The following CD96 variants were observed in gnomAD, a reference collection of about 807,000 sequenced individuals.
CD96 encodes the protein T-cell surface protein tactile.
Under a neutral mutation model 71.3 loss-of-function variants are expected in CD96, and 70 were observed. The observed-to-expected ratio is 0.98, with a 90% CI of 0.81 to 1.20. The LOEUF (loss-of-function observed/expected upper bound fraction) is 1.20. Among genes scored for constraint, CD96 ranks in the 50% most tolerant of loss-of-function variants. The pLI is 0.00. For synonymous variants in CD96, 248 were observed against 233.0 expected, an observed-to-expected ratio of 1.06 and a Z score of -0.59; for missense variants, 742 against 677.5, an observed-to-expected ratio of 1.10 and a Z score of -1.06.
rs562072137 is a variant in CD96, at chr3:111,570,075, G to A, written c.543+2428G>A. On this transcript the variant is annotated intron_variant, in intron 3 of 13. Transcript: ENST00000352690. ...GGGTGGGGGTGGGGGCTCAGGGAAG[G>A]GTCTGCACCCTGAGACTTCTGCTTA... Among the ~76,000 whole-genome samples, 8 of 152,190 alleles carry A rather than the reference G, an allele frequency of 5.3e-5. No homozygotes were observed. The East Asian group carries it at 1.4e-3, about 26-fold the overall frequency.
rs1421901357 is a variant in CD96, at chr3:111,637,228, T to C, written c.1354T>C (p.Ser452Pro). ...ACGGATACCTAGTGAAACATACAGT[T>C]CATCCCCGTCAGGTGCAGGCTCAAC... ...VSRIPSETYSSSPSGAGSTLH... is the reference protein window; with the variant it reads ...VSRIPSETYSPSPSGAGSTLH... Residue 452 changes from serine to proline, a missense_variant, in exon 11 of 14, where the codon TCA becomes CCA. By Grantham distance (74) the Ser-to-Pro change is moderately conservative. Coordinates refer to ENST00000352690, the MANE Select transcript of CD96 (RefSeq NM_005816.5). 6.3e-7 allele frequency: 1 copy of C among 1,593,216 alleles called. No homozygotes were observed.
chr3:111,663,710 A>G (rs1252725047), intron 14 of CD96, among the ~76,000 whole-genome samples: 1 of 151,882 alleles, frequency 6.6e-6, no homozygotes. Flanking sequence ...AAGTCAAAAA[A>G]CAGATGTTGG....
At chr3:111,552,604 T>C (rs1295722011) in intron 2 of CD96, among the ~76,000 whole-genome samples, 1 of 147,326 alleles carries the variant, frequency 6.8e-6, no homozygotes, top group Non-Finnish European at 1.5e-5. Flanking sequence ...CACTGTTGCA[T>C]AAAAAGCATC....
chr3:111,580,084 C>T (rs1936398233), intron 4 of CD96, among the ~76,000 whole-genome samples: 1 of 152,190 alleles, frequency 6.6e-6, no homozygotes, highest in Non-Finnish European at 1.5e-5. Flanking sequence ...CCCAGAGAAA[C>T]TGCAGAAGTT....
At chr3:111,645,487 T>A (rs568779059) in intron 12 of CD96, among the ~76,000 whole-genome samples, 2 of 152,148 alleles carry the variant, frequency 1.3e-5, no homozygotes, top group East Asian at 3.9e-4. Flanking sequence ...ACTCATATAA[T>A]CAAACACTAC....
downstream of CD96, among the ~76,000 whole-genome samples, chr3:111,655,861 A>G (rs1940215783): frequency 2.0e-5 from 3 of 151,502 alleles, no homozygotes; most frequent in Non-Finnish European, 1.5e-5. Flanking sequence ...ATACATATAT[A>G]TGTACAGTTA....
At chr3:111,618,526 T>A (rs1399921710) in intron 8 of CD96, among the ~76,000 whole-genome samples, 1 of 152,020 alleles carries the variant, frequency 6.6e-6, no homozygotes, top group African/African-American at 2.4e-5. Flanking sequence ...ATCAAGACCT[T>A]TATATGTAAT....
chr3:111,544,551 A>G (rs1334298984), intron 1 of CD96, among the ~76,000 whole-genome samples: 1 of 152,234 alleles, frequency 6.6e-6, no homozygotes, highest in African/African-American at 2.4e-5. Context: ...ATTAAACAAG[A>G]TAAGATATGA....
At chr3:111,562,706 C>T (rs1241551531) in intron 2 of CD96, among the ~76,000 whole-genome samples, 1 of 152,248 alleles carries the variant, frequency 6.6e-6, no homozygotes, top group African/African-American at 2.4e-5. Flanking sequence ...TCAGGGAGTG[C>T]ATTCAAAGTT....
At chr3:111,660,588 T>G (rs1461590499) in intron 14 of CD96, among the ~76,000 whole-genome samples, 1 of 152,210 alleles carries the variant, frequency 6.6e-6, no homozygotes, top group Non-Finnish European at 1.5e-5. Context: ...AGAACAAAGC[T>G]GGAGGCATCA....
chr3:111,658,753 C>A (rs1037718176), intron 14 of CD96, among the ~76,000 whole-genome samples: 2 of 152,106 alleles, frequency 1.3e-5, no homozygotes, highest in Admixed American at 1.3e-4. Context: ...AGAGAATAAC[C>A]AAACTAAATC....
At chr3:111,615,308 G>A (rs1938173778) in intron 8 of CD96, among the ~76,000 whole-genome samples, 1 of 152,218 alleles carries the variant, frequency 6.6e-6, no homozygotes, top group South Asian at 2.1e-4. Context: ...AGTTCTAGAA[G>A]CATTGGCCAA....
intron 7 of CD96, among the ~76,000 whole-genome samples, chr3:111,601,819 A>G (rs901881768): frequency 6.6e-5 from 10 of 152,226 alleles, no homozygotes; most frequent in Non-Finnish European, 1.3e-4. Context: ...CACAACCCGC[A>G]TCTTGGGTTC....
At chr3:111,572,101 A>T (rs1316692652) in intron 3 of CD96, among the ~76,000 whole-genome samples, 1 of 152,234 alleles carries the variant, frequency 6.6e-6, no homozygotes, top group Non-Finnish European at 1.5e-5. Flanking sequence ...GAGATTTAAG[A>T]TGTTAATGAG....
rs112039717 is a variant in CD96, at chr3:111,571,819, T to C, written c.543+4172T>C. ...TGATGGCTGTAGGATTCAGCCAGTC[T>C]ATTAAACCATCTAATGTCCTTATAA... On this transcript the variant is annotated intron_variant, in intron 3 of 13. Transcript: ENST00000352690. Among the ~76,000 whole-genome samples, 371 of 152,370 alleles carry C rather than the reference T, an allele frequency of 2.4e-3. 3 individuals are homozygous for C. Among genetic ancestry groups the C allele is most frequent in the African/African-American group, 8.6e-3 (358 of 41,592 alleles).
chr3:111,561,966 G>C (rs1353351637), intron 2 of CD96, among the ~76,000 whole-genome samples: 1 of 151,650 alleles, frequency 6.6e-6, no homozygotes. Flanking sequence ...GGAGTGACCC[G>C]ATTTTCCAGG....
chr3:111,580,516 T>C (rs1196236004), intron 4 of CD96, among the ~76,000 whole-genome samples: 2 of 152,128 alleles, frequency 1.3e-5, no homozygotes, highest in Non-Finnish European at 2.9e-5. Context: ...CACAAACCTA[T>C]GGACACAGGC....
chr3:111,613,773 C>A (rs1485494685), intron 8 of CD96, among the ~76,000 whole-genome samples: 1 of 152,144 alleles, frequency 6.6e-6, no homozygotes, highest in East Asian at 1.9e-4. Flanking sequence ...CTATTTGAGA[C>A]AATAAGTTAA....
intron 4 of CD96, among the ~76,000 whole-genome samples, chr3:111,584,456 A>G (rs1936610459): frequency 6.6e-6 from 1 of 152,190 alleles, no homozygotes; most frequent in South Asian, 2.1e-4. Context: ...ACTCGACTGT[A>G]CTGGTACTAA....
Sources: allele counts gnomAD v4.1 joint callset (sites outside exome capture counted in the v4.1 genomes callset), GRCh38; gene constraint gnomAD v4.1.1; transcripts MANE v1.5; gene names NCBI Gene and HGNC (gene_info 2026-07-23, HGNC 2026-07-21).